Variants in LNX1 observed in about 807,000 individuals in gnomAD.
LNX1 encodes the protein ligand of numb-protein X 1.
In LNX1, 54 loss-of-function variants were observed where a neutral mutation model predicts 68.4. That is an observed-to-expected ratio of 0.79 (90% CI 0.63 to 0.99). LNX1 has a LOEUF of 0.99. Among genes scored for constraint, LNX1 ranks in the 50% least tolerant of loss-of-function variants. LNX1 has a pLI of 0.00. For missense variants in LNX1, 906 were observed against 926.4 expected (o/e 0.98, Z 0.29); for synonymous variants, 336 against 350.0 (o/e 0.96, Z 0.45).
intron 2 of LNX1, chr4:53,558,281 T>C (rs998368150): frequency 3.0e-4 from 334 of 1,132,052 alleles, no homozygotes; most frequent in Non-Finnish European, 3.6e-4. Context: ...GACTGGTTCT[T>C]GGGAAGCAGC....
chr4:53,483,676 G>A (rs769650888), intron 6 of LNX1, among the ~76,000 whole-genome samples: 1 of 152,180 alleles, frequency 6.6e-6, no homozygotes, highest in Non-Finnish European at 1.5e-5. Flanking sequence ...AGAGGAGTAA[G>A]GTTTGGTGGT....
At chr4:53,543,191 C>G (rs1728878616) in intron 2 of LNX1, among the ~76,000 whole-genome samples, 1 of 152,208 alleles carries the variant, frequency 6.6e-6, no homozygotes, top group Non-Finnish European at 1.5e-5. Context: ...AGGTCAGTTG[C>G]CCTCATGGCT....
chr4:53,574,367 C>T (rs1218865024), intron 1 of LNX1, among the ~76,000 whole-genome samples: 1 of 151,862 alleles, frequency 6.6e-6, no homozygotes, highest in Non-Finnish European at 1.5e-5. Context: ...TGGGAAATGC[C>T]TAAAGTAACT....
intron 1 of LNX1, among the ~76,000 whole-genome samples, chr4:53,579,791 CA>C (rs1191519173): frequency 6.6e-6 from 1 of 152,180 alleles, no homozygotes; most frequent in Non-Finnish European, 1.5e-5. Context: ...AAATGGTTAT[CA>C]GATGTAGTTG....
intron 2 of LNX1, among the ~76,000 whole-genome samples, chr4:53,519,203 G>A (rs1025245352): frequency 6.6e-6 from 1 of 152,194 alleles, no homozygotes; most frequent in Admixed American, 6.5e-5. Flanking sequence ...AAAGGATCTT[G>A]TCTAAGTGTG....
intron 1 of LNX1, among the ~76,000 whole-genome samples, chr4:53,587,254 G>T (rs565705286): frequency 1.3e-5 from 2 of 152,198 alleles, no homozygotes; most frequent in African/African-American, 2.4e-5. Context: ...AAGTTTACGG[G>T]AGACAACAAA....
intron 2 of LNX1, among the ~76,000 whole-genome samples, chr4:53,510,546 G>A (rs1168544430): frequency 6.6e-6 from 1 of 152,184 alleles, no homozygotes; most frequent in East Asian, 1.9e-4. Flanking sequence ...AGCTGCGTTG[G>A]CTTGGAATCA....
chr4:53,645,667 T>C (rs1322323957), intron 1 of LNX1, among the ~76,000 whole-genome samples: 1 of 152,166 alleles, frequency 6.6e-6, no homozygotes, highest in Non-Finnish European at 1.5e-5. Flanking sequence ...ACTCTGTGGA[T>C]TGAGATCAGC....
At chr4:53,647,573 A>G (rs1174231835) in intron 1 of LNX1, among the ~76,000 whole-genome samples, 2 of 152,230 alleles carry the variant, frequency 1.3e-5, no homozygotes, top group African/African-American at 4.8e-5. Flanking sequence ...GCTAAGAAAA[A>G]AAAGCCAGGA....
rs146095628 is a variant in LNX1, at chr4:53,496,205, C to T, written c.1168G>A (p.Glu390Lys). ...ACCAGTTTTATTCCAAGCTGCTCCT[C>T]GGGGCTACTTTTGTTGAGAATCACA... ...FHVILNKSSP[E>K]EQLGIKLVRK... Residue 390 changes from glutamate (E) to lysine (K), a missense_variant, in exon 6 of 11, where the codon GAG becomes AAG. By Grantham distance (56) the Glu-to-Lys change is moderately conservative. Transcript: ENST00000263925. 1.0e-3 allele frequency: 1,693 copies of T among 1,614,124 alleles called. 2 individuals are homozygous for T. Among genetic ancestry groups the T allele is most frequent in the Non-Finnish European group, 1.3e-3 (1,575 of 1,180,016 alleles).
At chr4:53,515,310 C>T (rs1333606529) in intron 2 of LNX1, among the ~76,000 whole-genome samples, 2 of 152,218 alleles carry the variant, frequency 1.3e-5, no homozygotes, top group African/African-American at 4.8e-5. Context: ...GTAAACATTT[C>T]TTGAATTGAT....
At chr4:53,530,950 A>G (rs568491750) in intron 2 of LNX1, among the ~76,000 whole-genome samples, 1 of 152,270 alleles carries the variant, frequency 6.6e-6, no homozygotes, top group East Asian at 1.9e-4. Flanking sequence ...GTATTGCTTG[A>G]GCTCAGGGGT....
At chr4:53,500,082 A>C (rs1725365459) in intron 4 of LNX1, 1 of 152,130 alleles carries the variant, frequency 6.6e-6, no homozygotes, top group Non-Finnish European at 1.5e-5. Context: ...AAGGGGAGTG[A>C]AGTAACTGAC....
At chr4:53,529,583 T>C (rs1391007950) in intron 2 of LNX1, among the ~76,000 whole-genome samples, 1 of 152,178 alleles carries the variant, frequency 6.6e-6, no homozygotes, top group Non-Finnish European at 1.5e-5. Context: ...TGAAGCTCTG[T>C]TGGCAGGGAC....
rs535240000 is a variant in LNX1, at chr4:53,474,853, G to A, written c.1892+1900C>T. ...GCGATCTCAGCTCACTGCAACCTCC[G>A]CCTCCTGGGTTCAAGCAATTCTCAT... On this transcript the variant is annotated intron_variant, in intron 9 of 10. Coordinates refer to ENST00000263925, the MANE Select transcript of LNX1 (RefSeq NM_001126328.3). 1.4e-3 allele frequency among the ~76,000 whole-genome samples: 211 copies of A among 152,064 alleles called. 1 individual carries two copies. The highest frequency in any genetic ancestry group is 4.8e-3 in the African/African-American group (199 of 41,474).
intron 9 of LNX1, among the ~76,000 whole-genome samples, chr4:53,471,199 C>T (rs894595760): frequency 4.6e-5 from 7 of 151,584 alleles, no homozygotes; most frequent in African/African-American, 1.7e-4. Flanking sequence ...TATCTACAAC[C>T]ATCTGATCTT....
At chr4:53,527,786 T>C (rs1369977889) in intron 2 of LNX1, among the ~76,000 whole-genome samples, 3 of 152,190 alleles carry the variant, frequency 2.0e-5, no homozygotes, top group African/African-American at 4.8e-5. Context: ...GGCTGTCAGC[T>C]ACTGGACTTC....
chr4:53,575,057 C>T (rs1326172120), intron 1 of LNX1, among the ~76,000 whole-genome samples: 1 of 151,984 alleles, frequency 6.6e-6, no homozygotes, highest in South Asian at 2.1e-4. Flanking sequence ...TCTCTGCTCA[C>T]TACAACTGCC....
At chr4:53,554,968 G>C (rs557247734) in intron 2 of LNX1, among the ~76,000 whole-genome samples, 15 of 152,294 alleles carry the variant, frequency 9.8e-5, no homozygotes, top group African/African-American at 3.6e-4. Context: ...AGCTGGGCAT[G>C]AACTCAGGAA....
Sources: allele counts gnomAD v4.1 joint callset (sites outside exome capture counted in the v4.1 genomes callset), GRCh38; gene constraint gnomAD v4.1.1; transcripts MANE v1.5; gene names NCBI Gene and HGNC (gene_info 2026-07-23, HGNC 2026-07-21).